The following NAGPA variants were observed in gnomAD, a reference collection of about 807,000 sequenced individuals.
NAGPA encodes alpha-N-acetylglucosaminyl phosphodiesterase.
NAGPA carries 56 observed loss-of-function variants against 48.5 expected under a neutral mutation model. That is an observed-to-expected ratio of 1.15 (90% CI 0.93 to 1.44). NAGPA has a LOEUF of 1.44. Ranked by LOEUF, NAGPA falls within the 40% of genes most tolerant of loss-of-function variation. NAGPA has a pLI of 0.00. For synonymous variants in NAGPA, 399 were observed against 315.5 expected, an observed-to-expected ratio of 1.26 and a Z score of -2.81; for missense variants, 888 against 735.0, an observed-to-expected ratio of 1.21 and a Z score of -2.41.
chr16:5,033,262 T>C lies in NAGPA; in HGVS notation c.542+11A>G. 6.3e-7 allele frequency: 1 copy of C among 1,586,292 alleles called. No individual in the cohort carries two copies. Among genetic ancestry groups the C allele is most frequent in the South Asian group, 1.1e-5 (1 of 88,938 alleles). ...CTGCCCTCGACAGCACGGGGCTCCCTGCCTCCTCACCCGGTGACCAGGGTC... is the reference window on the plus strand; with the variant it reads ...CTGCCCTCGACAGCACGGGGCTCCCCGCCTCCTCACCCGGTGACCAGGGTC... On this transcript the variant is annotated intron_variant, in intron 2 of 9. Coordinates refer to ENST00000312251, the MANE Select transcript of NAGPA (RefSeq NM_016256.4). The surrounding 1 kb of genome is among the most constrained non-coding windows in gnomAD (Gnocchi z 4.2).
chr16:5,030,453 C>T lies in NAGPA; in HGVS notation c.723G>A (p.Thr241=), dbSNP rs1172163822. The T allele has an allele frequency of 1.2e-5, 18 of 1,554,664 alleles. No homozygotes were observed. Among genetic ancestry groups the T allele is most frequent in the African/African-American group, 8.2e-5 (6 of 73,238 alleles). ...SKFVNVISAR[T]AIGHDRKGQL... is the part of the protein sequence containing the mutation. ...GCCCTTTCCGGTCGTGGCCAATGGC[C>T]GTCCTGGCTGATATCACATTCACAA... Residue 241 remains threonine (T), a synonymous_variant, in exon 4 of 10, where the codon ACG becomes ACA. Coordinates refer to ENST00000312251, the MANE Select transcript of NAGPA (RefSeq NM_016256.4).
chr16:5,031,563 C>G (rs1305503161), intron 3 of NAGPA, 182 bp downstream of exon 3: 13 of 791,988 alleles, frequency 1.6e-5, no homozygotes, highest in Non-Finnish European at 2.6e-5. Flanking sequence ...TATTCTATAA[C>G]TATTTTTTGT....
Position 5,033,465 on chromosome 16 carries a change from G to A in NAGPA, c.350C>T (p.Ala117Val). The A allele has an allele frequency of 1.3e-6, 2 of 1,580,108 alleles. No individual in the cohort carries two copies. The highest frequency in any genetic ancestry group is 1.7e-6 in the Non-Finnish European group (2 of 1,171,402). Residue 117 changes from alanine to valine, a missense_variant, in exon 2 of 10, where the codon GCG becomes GTG. By Grantham distance (64) the Ala-to-Val change is moderately conservative. Coordinates refer to ENST00000312251, the MANE Select transcript of NAGPA (RefSeq NM_016256.4). The surrounding 1 kb of genome is among the most constrained non-coding windows in gnomAD (Gnocchi z 4.2). ...LEPGGPGGCA[A>V]RRRATVEETA... ...CTCCTCCACGGTGGCGCGTCGTCTC[G>A]CCGCGCAGCCGCCGGGTCCACCGGG...
chr16:5,033,106 G>GAT lies in NAGPA; in HGVS notation c.542+165_542+166dup. On this transcript the variant is annotated intron_variant, in intron 2 of 9. Transcript: ENST00000312251. The surrounding 1 kb of genome is among the most constrained non-coding windows in gnomAD (Gnocchi z 4.2). The stretch of plus-strand genomic sequence containing the variant: ...TGCCTGATACAAGCAAGTGCTCAAT[G>GAT]ATACTGGATGATGAATAAACTCTGC... 1 of 805,110 alleles carries GAT rather than the reference G, an allele frequency of 1.2e-6. No homozygotes were observed. The highest frequency in any genetic ancestry group is 2.0e-6 in the Non-Finnish European group (1 of 505,904). The allele number at this position is 805,110 out of a possible 1,614,324, so 49.9% of individuals were successfully genotyped here.
Position 5,025,234 on chromosome 16 carries a change from C to G in NAGPA, c.*244G>C, listed in dbSNP as rs1171090147. 1 of 574,252 alleles carries G rather than the reference C, an allele frequency of 1.7e-6. No individual in the cohort carries two copies. The highest frequency in any genetic ancestry group is 2.0e-5 in the South Asian group (1 of 49,438). The allele number at this position is 574,252 out of a possible 1,614,324, so 35.6% of individuals were successfully genotyped here. On this transcript the variant is annotated 3_prime_UTR_variant, in exon 10 of 10. Coordinates refer to ENST00000312251, the MANE Select transcript of NAGPA (RefSeq NM_016256.4). ...GGGGCACGGGCTTCTCGGCAGCAGA[C>G]ACAGGCAGGCCAGAAGCAGGCAGCT...
rs1334123313 is a variant in NAGPA at position 5,033,173 on chromosome 16, G to T, written c.542+100C>A. On this transcript the variant is annotated intron_variant, in intron 2 of 9. Coordinates refer to ENST00000312251, the MANE Select transcript of NAGPA (RefSeq NM_016256.4). This position sits in a 1 kb window ranked among gnomAD's most constrained non-coding sequence, Gnocchi z 4.2. ...TCCCCATTCTGCAGAGGAGGAAACA[G>T]GGGCTCAGCTTGGTTAAGTGACTTG... is the stretch of plus-strand genomic sequence containing the variant. 1.5e-6 allele frequency: 2 copies of T among 1,366,726 alleles called. No homozygotes were observed. Among genetic ancestry groups the T allele is most frequent in the Non-Finnish European group, 2.0e-6 (2 of 996,280 alleles). 84.7% of individuals were successfully genotyped at this position (1,366,726 alleles called of 1,614,324 possible). A position where few individuals can be genotyped will look rare whatever the true frequency, so the allele number is the denominator to read the frequency against.
At chr16:5,029,964 T>A (rs1222313354) in intron 4 of NAGPA, 2 of 286,196 alleles carry the variant, frequency 7.0e-6, no homozygotes, top group East Asian at 1.8e-4. Flanking sequence ...TGCTGAGTGT[T>A]GCTAAATTTG....
At chr16:5,032,007 G>T in intron 2 of NAGPA, 123 bp from the exon 3 acceptor site, 1 of 1,334,562 alleles carries the variant, frequency 7.5e-7, no homozygotes, top group Non-Finnish European at 1.1e-6. Flanking sequence ...GGAACCTCCT[G>T]GGGCCTGAGT....
Position 5,027,531 on chromosome 16 carries a change from C to T in NAGPA, c.1175-152G>A, listed in dbSNP as rs577125192. On this transcript the variant is annotated intron_variant, in intron 7 of 9. Coordinates refer to ENST00000312251, the MANE Select transcript of NAGPA (RefSeq NM_016256.4). ...GCACCCCCTGCCCTCCCTGGACTAG[C>T]CCCTGAACGTGACCTTATTTGGAAG... The T allele has an allele frequency of 4.8e-5, 40 of 836,618 alleles. 1 individual carries two copies. In the South Asian group the frequency reaches 6.2e-4, roughly 13 times the overall value. The allele number at this position is 836,618 out of a possible 1,614,324, so 51.8% of individuals were successfully genotyped here.
At position 5,031,835 on chromosome 16, in the gene NAGPA, G is replaced by C. The variant is rs1956102790; in HGVS notation, c.592C>G (p.Leu198Val). The C allele has an allele frequency of 6.2e-7, 1 of 1,614,032 alleles. No homozygotes were observed. Among genetic ancestry groups the C allele is most frequent in the African/African-American group, 1.3e-5 (1 of 74,924 alleles). Residue 198 changes from leucine (L) to valine (V), a missense_variant, in exon 3 of 10, where the codon CTG becomes GTG. Coordinates refer to ENST00000312251, the MANE Select transcript of NAGPA (RefSeq NM_016256.4). Reference protein sequence around the residue: ...VLDTENPFVQLLSGVVWLIRN... With the variant: ...VLDTENPFVQVLSGVVWLIRN... ...ATCAGCCACACGACCCCACTCAGCAGCTGCACAAATGGGTTCTCAGTGTCC... is the reference window on the plus strand; with the variant it reads ...ATCAGCCACACGACCCCACTCAGCACCTGCACAAATGGGTTCTCAGTGTCC...
intron 5 of NAGPA, 158 bp from the exon 6 acceptor site, chr16:5,028,343 T>G: frequency 7.2e-7 from 1 of 1,395,768 alleles, no homozygotes; most frequent in Non-Finnish European, 9.9e-7. Context: ...ATTGCGATCC[T>G]TCCACCCGAG....
intron 5 of NAGPA, 99 bp downstream of exon 5, chr16:5,028,781 G>T: frequency 6.3e-7 from 1 of 1,580,430 alleles, no homozygotes; most frequent in African/African-American, 1.3e-5. Context: ...TTGAACCCCC[G>T]GGGCCTGGCA....
chr16:5,033,713 G>A lies in NAGPA; in HGVS notation c.102C>T (p.Asp34=). 6.2e-7 allele frequency: 1 copy of A among 1,603,472 alleles called. No individual in the cohort carries two copies. The highest frequency in any genetic ancestry group is 1.3e-5 in the African/African-American group (1 of 74,954). The change falls in exon 2 of 10, where the codon GAC becomes GAT. Residue 34 remains aspartate (D), a synonymous_variant. Coordinates refer to ENST00000312251, the MANE Select transcript of NAGPA (RefSeq NM_016256.4). The surrounding 1 kb of genome is among the most constrained non-coding windows in gnomAD (Gnocchi z 4.2). ...GGLDSGASRD[D]DLLLPYPRAR... is the part of the protein sequence containing the mutation. The stretch of plus-strand genomic sequence containing the variant: ...CGCGTGGATAGGGCAGTAGCAAGTC[G>A]TCGTCGCGGGAGGCCCTGCGGGGAC...
chr16:5,030,511 T>C lies in NAGPA; in HGVS notation c.683-18A>G. The C allele has an allele frequency of 1.3e-6, 2 of 1,547,668 alleles. 1 individual carries two copies. The highest frequency in any genetic ancestry group is 4.9e-5 in the East Asian group (2 of 40,928). ...AAAGGAACCTGAAGGAAAAGCAGCC[T>C]GGCTGATCACCGCCCCTTGGGAGGC... is the stretch of plus-strand genomic sequence containing the variant. On this transcript the variant is annotated intron_variant, in intron 3 of 9. Coordinates refer to ENST00000312251, the MANE Select transcript of NAGPA (RefSeq NM_016256.4).
chr16:5,025,718 C>A, intron 9 of NAGPA, 33 bp from the exon 10 acceptor site: 1 of 1,566,338 alleles, frequency 6.4e-7, no homozygotes, highest in East Asian at 2.4e-5. Flanking sequence ...AAGTGGGGGA[C>A]TGCTGGGTGG....
intron 4 of NAGPA, 60 bp downstream of exon 4, chr16:5,030,325 T>G (rs1956076624): frequency 1.4e-6 from 2 of 1,464,148 alleles, no homozygotes; most frequent in Non-Finnish European, 1.9e-6. Flanking sequence ...TGTCATTGGG[T>G]CAACGTTCCT....
Position 5,033,835 on chromosome 16 carries a change from T to G in NAGPA, c.80A>C (p.Asp27Ala), listed in dbSNP as rs756116139. 1.9e-5 allele frequency: 29 copies of G among 1,551,044 alleles called. No homozygotes were observed. The highest frequency in any genetic ancestry group is 2.4e-5 in the Non-Finnish European group (28 of 1,148,020). Reference protein sequence around the residue: ...GFLWEASGGLDSGASRDDDLL... With the variant: ...GFLWEASGGLASGASRDDDLL... ...CCCAGGGAGCTGCACTCACCCCGAG[T>G]CGAGGCCGCCGGACGCTTCCCAGAG... is the stretch of plus-strand genomic sequence containing the variant. Residue 27 changes from aspartate (D) to alanine (A), a missense_variant, in exon 1 of 10, where the codon GAC becomes GCC. Physicochemically the swap from Asp to Ala is moderately radical, Grantham distance 126. Transcript: ENST00000312251. The surrounding 1 kb of genome is among the most constrained non-coding windows in gnomAD (Gnocchi z 4.2).
At chr16:5,029,931 C>T (rs945383760) in intron 4 of NAGPA, 1 of 251,224 alleles carries the variant, frequency 4.0e-6, no homozygotes, top group Non-Finnish European at 7.8e-6. Context: ...CTCAAAGAAA[C>T]AAACAAACAA....
chr16:5,031,270 C>T, intron 3 of NAGPA: 1 of 238,180 alleles, frequency 4.2e-6, no homozygotes, highest in East Asian at 1.0e-4. Context: ...GTATCCTGTC[C>T]CCATCCCAGT....
Sources: allele counts gnomAD v4.1 joint callset, GRCh38; gene constraint gnomAD v4.1.1; non-coding constraint Gnocchi (gnomAD v3.1); transcripts MANE v1.5; gene names NCBI Gene and HGNC (gene_info 2026-07-23, HGNC 2026-07-21).